The following GON4L variants were observed in gnomAD, a reference collection of about 807,000 sequenced individuals.
GON4L encodes gon-4 like.
GON4L carries 87 observed loss-of-function variants against 211.8 expected under a neutral mutation model. The ratio of observed to expected loss-of-function variants is 0.41; its 90% CI spans 0.35 to 0.49. The LOEUF (loss-of-function observed/expected upper bound fraction) is 0.49. Ranked by LOEUF, GON4L falls within the 20% of genes least tolerant of loss-of-function variation. GON4L has a pLI of 0.15. For missense variants in GON4L, 2,155 were observed against 2,659.5 expected (o/e 0.81, Z 4.17); for synonymous variants, 875 against 962.6 (o/e 0.91, Z 1.68).
Position 155,766,514 on chromosome 1 carries a change from G to A in GON4L, c.2959C>T (p.Arg987Cys), listed in dbSNP as rs750443290. The A allele has an allele frequency of 2.0e-5, 32 of 1,613,956 alleles. No individual in the cohort carries two copies. The highest frequency in any genetic ancestry group is 8.8e-5 in the South Asian group (8 of 91,086). Residue 987 changes from arginine (R) to cysteine (C), a missense_variant, in exon 21 of 32, where the codon CGT becomes TGT. Arg to Cys is a radical substitution (Grantham distance 180, BLOSUM62 -3). Around this residue, in one of 6 missense-constraint regions of GON4L, gnomAD observed 615 missense variants for 625.7 expected, o/e 0.98. Coordinates refer to ENST00000368331, the MANE Select transcript of GON4L (RefSeq NM_001282860.2). The stretch of plus-strand genomic sequence containing the variant: ...TGTCTCCAAGCCTTCCTGGGGAAAC[G>A]GGTGGCAACTGGCTTCAGTTTCAGG... The part of the protein sequence containing the change: ...VVLKLKPVAT[R>C]FPRKAWRQKR...
chr1:155,809,984 A>G (rs1206026408), intron 10 of GON4L, among the ~76,000 whole-genome samples: 4 of 25,748 alleles, frequency 1.6e-4, no homozygotes, highest in African/African-American at 2.9e-4. Flanking sequence ...AATTATATAT[A>G]TATATAATTA....
chr1:155,760,553 G>A lies in GON4L; in HGVS notation c.5000C>T (p.Thr1667Met), dbSNP rs751213607. The A allele has an allele frequency of 1.2e-5, 20 of 1,612,006 alleles. No homozygotes were observed. Among genetic ancestry groups the A allele is most frequent in the African/African-American group, 6.7e-5 (5 of 74,864 alleles). Residue 1667 changes from threonine to methionine, a missense_variant, in exon 24 of 32, where the codon ACG becomes ATG. Thr to Met is a moderately conservative substitution (Grantham distance 81). Transcript: ENST00000368331. The stretch of plus-strand genomic sequence containing the variant: ...CAGGCTTTTGTAGAGATCTACAGCC[G>A]TCCGTCTCTGGGTACTTGACTCAAA... ...YEFESSTQRRTAVDLYKSLQI... is the reference protein window; with the variant it reads ...YEFESSTQRRMAVDLYKSLQI...
In GON4L at chr1:155,754,609, A is replaced by G. The variant is rs952443670; in HGVS notation, c.5518-121T>C. ...CAGTGGCACGATGTCAGCTCACCGC[A>G]ACCTCTGCCTCCCAGGTTCAAGGGA... On this transcript the variant is annotated intron_variant, in intron 27 of 31. Coordinates refer to ENST00000368331, the MANE Select transcript of GON4L (RefSeq NM_001282860.2). 1.9e-5 allele frequency: 12 copies of G among 619,510 alleles called. No homozygotes were observed. In the Admixed American group the frequency reaches 2.1e-4, roughly 11 times the overall value. 38.4% of individuals were successfully genotyped at this position (619,510 alleles called of 1,614,324 possible). A position where few individuals can be genotyped will look rare whatever the true frequency, so the allele number is the denominator to read the frequency against.
At chr1:155,776,244 C>T in intron 16 of GON4L, 151 bp downstream of exon 16, 1 of 707,374 alleles carries the variant, frequency 1.4e-6, no homozygotes. Context: ...TCTCAGCAAA[C>T]ACAGGAAGCC....
intron 6 of GON4L, 27 bp downstream of exon 6, chr1:155,820,579 C>A (rs754346313): frequency 3.0e-5 from 46 of 1,551,368 alleles, no homozygotes; most frequent in Non-Finnish European, 8.0e-6. Context: ...TAAAAAAAAA[C>A]CAACAACAAA....
At chr1:155,785,635 G>T (rs1254143142) in intron 12 of GON4L, among the ~76,000 whole-genome samples, 1 of 152,008 alleles carries the variant, frequency 6.6e-6, no homozygotes, top group Non-Finnish European at 1.5e-5. Flanking sequence ...GACCACAGAC[G>T]CATGCCACCA....
In GON4L at chr1:155,785,361, A is replaced by G; in HGVS notation, c.1761T>C (p.Asn587=). 8 of 1,598,632 alleles carry G rather than the reference A, an allele frequency of 5.0e-6. No homozygotes were observed. Among genetic ancestry groups the G allele is most frequent in the Non-Finnish European group, 5.1e-6 (6 of 1,165,930 alleles). ...RAVRITKKEV[N]ELMEELFETF... ...TTTCAAACAGCTCTTCCATCAGCTC[A>G]TTTACTTCCTTTTCTGCAAGAAAGC... The change falls in exon 13 of 32, where the codon AAT becomes AAC. Residue 587 remains asparagine (N), a synonymous_variant. Coordinates refer to ENST00000368331, the MANE Select transcript of GON4L (RefSeq NM_001282860.2).
In GON4L at chr1:155,783,982, C is replaced by T. The variant is rs370390393; in HGVS notation, c.1892+4G>A. Reference sequence around the variant, plus strand: ...CCAAATCTCAAGGTCTTCAACTAGCCTACCGTAGAGCTTGAGGGGTGTTAA... The same window carrying T: ...CCAAATCTCAAGGTCTTCAACTAGCTTACCGTAGAGCTTGAGGGGTGTTAA... On this transcript the variant is annotated splice_donor_region_variant and intron_variant, in intron 14 of 31. Coordinates refer to ENST00000368331, the MANE Select transcript of GON4L (RefSeq NM_001282860.2). 2.6e-5 allele frequency: 42 copies of T among 1,613,370 alleles called. No individual in the cohort carries two copies. The highest frequency in any genetic ancestry group is 1.2e-4 in the Admixed American group (7 of 59,984).
chr1:155,824,260 TA>T (rs781068524), intron 3 of GON4L, among the ~76,000 whole-genome samples: 293 of 135,860 alleles, frequency 2.2e-3, no homozygotes, highest in Non-Finnish European at 2.0e-3. Context: ...CTGTCTCTAC[TA>T]AAAAAAAAAA....
Position 155,765,924 on chromosome 1 carries a change from G to A in GON4L, c.3549C>T (p.Leu1183=). 6 of 1,614,186 alleles carry A rather than the reference G, an allele frequency of 3.7e-6. No homozygotes were observed. Among genetic ancestry groups the A allele is most frequent in the Non-Finnish European group, 5.1e-6 (6 of 1,180,028 alleles). The change falls in exon 21 of 32, where the codon CTC becomes CTT. Residue 1183 remains leucine (L), a synonymous_variant. Transcript: ENST00000368331. The stretch of plus-strand genomic sequence containing the variant: ...AGGGGAAGGAAGTAGGGTTAACCAA[G>A]AGGGTAGTGATGGGAATAGTCTGGG... ...QSPQTIPITT[L]LVNPTSFPCP... is the part of the protein sequence containing the mutation.
At chr1:155,775,497 C>T (rs530856930) in intron 16 of GON4L, among the ~76,000 whole-genome samples, 2 of 151,588 alleles carry the variant, frequency 1.3e-5, no homozygotes, top group Non-Finnish European at 2.9e-5. Flanking sequence ...CTCTGTCGCC[C>T]AGGCTGGAGC....
chr1:155,749,118 G>A (rs1004118038), downstream of GON4L, among the ~76,000 whole-genome samples: 3 of 152,076 alleles, frequency 2.0e-5, no homozygotes. Flanking sequence ...CAGGCATGGT[G>A]GCACATGCCT....
At chr1:155,748,089 C>T (rs1370191904), downstream of GON4L, 16 of 1,608,574 alleles carry the variant, frequency 9.9e-6, no homozygotes, top group Non-Finnish European at 1.4e-5. Flanking sequence ...GGGCCTGCGA[C>T]CTGAGCCACC....
In GON4L at chr1:155,766,720, C is replaced by T. The variant is rs139004440; in HGVS notation, c.2764-11G>A. 36 of 1,613,856 alleles carry T rather than the reference C, an allele frequency of 2.2e-5. No individual in the cohort carries two copies. In the South Asian group the frequency reaches 3.1e-4, roughly 14 times the overall value. On this transcript the variant is annotated splice_polypyrimidine_tract_variant and intron_variant, in intron 20 of 31. Coordinates refer to ENST00000368331, the MANE Select transcript of GON4L (RefSeq NM_001282860.2). Reference sequence around the variant, plus strand: ...GGATGGCAGACTGGCCTATTGGAAACAAGAACACTCTGATCCAGCATATGT... The same window carrying T: ...GGATGGCAGACTGGCCTATTGGAAATAAGAACACTCTGATCCAGCATATGT...
chr1:155,851,310 C>A (rs1003701151), intron 2 of GON4L, among the ~76,000 whole-genome samples: 2 of 149,294 alleles, frequency 1.3e-5, no homozygotes, highest in African/African-American at 5.0e-5. Context: ...GCCAAGACTG[C>A]GCCACTGCAC....
At chr1:155,763,077 G>A (rs973628093) in intron 22 of GON4L, among the ~76,000 whole-genome samples, 3 of 151,910 alleles carry the variant, frequency 2.0e-5, no homozygotes, top group African/African-American at 7.2e-5. Context: ...GAAAGTGAAC[G>A]AAGCTAATAT....
intron 2 of GON4L, among the ~76,000 whole-genome samples, chr1:155,852,809 T>C (rs1442053140): frequency 6.7e-6 from 1 of 150,374 alleles, no homozygotes; most frequent in East Asian, 2.0e-4. Flanking sequence ...AAAGTCTATA[T>C]CCATTCATAA....
chr1:155,834,339 C>A (rs114595343), intron 2 of GON4L, among the ~76,000 whole-genome samples: 59 of 152,222 alleles, frequency 3.9e-4, no homozygotes, highest in African/African-American at 1.3e-3. Context: ...TCCAGTTGTT[C>A]CTTCTCTGTT....
intron 2 of GON4L, among the ~76,000 whole-genome samples, chr1:155,832,274 C>T (rs1435510904): frequency 2.9e-4 from 34 of 115,550 alleles, no homozygotes; most frequent in African/African-American, 6.8e-4. Context: ...AGCAAGACTC[C>T]GTCTCAAAAA....
Sources: allele counts gnomAD v4.1 joint callset (sites outside exome capture counted in the v4.1 genomes callset), GRCh38; gene constraint gnomAD v4.1.1; regional missense constraint gnomAD v4.1.1; transcripts MANE v1.5; gene names NCBI Gene and HGNC (gene_info 2026-07-23, HGNC 2026-07-21).